Variants in MDGA2 observed in about 807,000 individuals in gnomAD.
MDGA2 encodes the protein MAM domain containing glycosylphosphatidylinositol anchor 2, also known as MAM domain-containing glycosylphosphatidylinositol anchor protein 2.
A neutral mutation model predicts 117.8 loss-of-function variants in MDGA2; 40 were observed. The observed-to-expected ratio is 0.34, with a 90% CI of 0.26 to 0.44. The LOEUF (loss-of-function observed/expected upper bound fraction) is 0.44. Among genes scored for constraint, MDGA2 ranks in the 20% least tolerant of loss-of-function variants. MDGA2 has a pLI of 1.00. For synonymous variants in MDGA2, 452 were observed against 439.0 expected, an observed-to-expected ratio of 1.03 and a Z score of -0.37; for missense variants, 1,123 against 1,250.6, an observed-to-expected ratio of 0.90 and a Z score of 1.54.
intron 9 of MDGA2, among the ~76,000 whole-genome samples, chr14:46,947,328 T>C (rs1029562606): frequency 6.6e-6 from 1 of 152,144 alleles, no homozygotes; most frequent in Admixed American, 6.6e-5. Flanking sequence ...TTATCTGCTT[T>C]ATCTCTATAA....
chr14:47,179,638 T>A (rs992585775), intron 3 of MDGA2, among the ~76,000 whole-genome samples: 1 of 152,190 alleles, frequency 6.6e-6, no homozygotes, highest in East Asian at 1.9e-4. Context: ...TTTAATTATA[T>A]ACACATCACA....
rs533250375 is a variant in MDGA2 at position 47,632,702 on chromosome 14, T to C, written c.280+41815A>G. ...ATGACCTTCTTAATTTTCCTTGAGT[T>C]TGTCATGCTCTTTCTGTCTTCTAAG... On this transcript the variant is annotated intron_variant, in intron 1 of 16. Transcript: ENST00000399232. Among the ~76,000 whole-genome samples the C allele has an allele frequency of 2.8e-4, 42 of 152,320 alleles. No individual in the cohort carries two copies. In the South Asian group the frequency reaches 7.7e-3, roughly 28 times the overall value.
intron 6 of MDGA2, among the ~76,000 whole-genome samples, chr14:47,088,774 T>C (rs1891002566): frequency 6.6e-6 from 1 of 152,180 alleles, no homozygotes; most frequent in Non-Finnish European, 1.5e-5. Flanking sequence ...ATATTTTGTA[T>C]CTTTGTCTTT....
In MDGA2 at chr14:47,657,837, CT is replaced by C. The variant is rs569206098; in HGVS notation, c.280+16679del. Among the ~76,000 whole-genome samples the C allele has an allele frequency of 2.4e-4, 36 of 152,268 alleles. No homozygotes were observed. In the South Asian group the frequency reaches 7.1e-3, roughly 30 times the overall value. On this transcript the variant is annotated intron_variant, in intron 1 of 16. Transcript: ENST00000399232. The stretch of plus-strand genomic sequence containing the variant: ...TTAATTCAGCAGCTTGGAGATGATA[CT>C]CTTAAAGTTGGACCCCACACTTGCA...
chr14:47,279,410 G>A (rs977316690), intron 2 of MDGA2, among the ~76,000 whole-genome samples: 4 of 152,154 alleles, frequency 2.6e-5, no homozygotes, highest in South Asian at 4.2e-4. Flanking sequence ...CTCTTGCACT[G>A]TACTTTTTCT....
At chr14:46,897,537 T>C (rs934556164) in intron 10 of MDGA2, among the ~76,000 whole-genome samples, 1 of 152,112 alleles carries the variant, frequency 6.6e-6, no homozygotes, top group African/African-American at 2.4e-5. Flanking sequence ...TTAAACAAAT[T>C]AGACGGAGTC....
chr14:47,573,318 T>C (rs1363196402), intron 1 of MDGA2, among the ~76,000 whole-genome samples: 2 of 152,122 alleles, frequency 1.3e-5, no homozygotes, highest in Admixed American at 6.5e-5. Context: ...GGTTAGAGAA[T>C]CCAGCATAAT....
rs1277744752 is a variant in MDGA2 at position 46,919,299 on chromosome 14, TGTG to T, written c.2238+710_2238+712del. Among the ~76,000 whole-genome samples, 3 of 152,318 alleles carry T rather than the reference TGTG, an allele frequency of 2.0e-5. No individual in the cohort carries two copies. In the East Asian group the frequency reaches 5.8e-4, roughly 29 times the overall value. On this transcript the variant is annotated intron_variant, in intron 10 of 16. Transcript: ENST00000399232. ...GTTTTGGGAGAGAGCTAAAAGATTA[TGTG>T]GTGATCAAATAAATCTTCAAAAATG...
In MDGA2 at chr14:47,132,536, G is replaced by T. The variant is rs543039433; in HGVS notation, c.793-690C>A. On this transcript the variant is annotated intron_variant, in intron 4 of 16. Transcript: ENST00000399232. ...ATGCAAATCAAGCAAGTGGCCAGAA[G>T]TATCTAACAAACTCTTGATGAACCA... 1.3e-4 allele frequency among the ~76,000 whole-genome samples: 20 copies of T among 151,848 alleles called. No homozygotes were observed. The South Asian group carries it at 4.2e-3, about 32-fold the overall frequency.
In MDGA2 at chr14:46,850,485, C is replaced by T. The variant is rs79429768; in HGVS notation, c.2883+4539G>A. Among the ~76,000 whole-genome samples, 711 of 151,916 alleles carry T rather than the reference C, an allele frequency of 4.7e-3. 7 individuals carry two copies. The highest frequency in any genetic ancestry group is 0.016 in the African/African-American group (656 of 41,524). On this transcript the variant is annotated intron_variant, in intron 15 of 16. Transcript: ENST00000399232. ...AAAGGCAAATCACTTCTAATCATTA[C>T]TGCTAAGGCAAATGCAAAACCCTAA...
At chr14:46,892,330 C>T (rs1420762492) in intron 10 of MDGA2, among the ~76,000 whole-genome samples, 1 of 151,622 alleles carries the variant, frequency 6.6e-6, no homozygotes, top group Admixed American at 6.6e-5. Flanking sequence ...GAAACTGGCT[C>T]GTATCTTACA....
chr14:47,148,674 T>C (rs994456603), intron 3 of MDGA2, among the ~76,000 whole-genome samples: 1 of 152,204 alleles, frequency 6.6e-6, no homozygotes, highest in African/African-American at 2.4e-5. Context: ...AGGTTTTTTA[T>C]AGAAAGAAAT....
At chr14:46,958,315 A>T (rs1394591214) in intron 8 of MDGA2, among the ~76,000 whole-genome samples, 3 of 152,152 alleles carry the variant, frequency 2.0e-5, no homozygotes, top group Admixed American at 2.0e-4. Flanking sequence ...GTTCAGAGAA[A>T]TGCAGATGGA....
At chr14:47,660,499 G>C (rs1377521911) in intron 1 of MDGA2, among the ~76,000 whole-genome samples, 12 of 152,198 alleles carry the variant, frequency 7.9e-5, no homozygotes, top group Non-Finnish European at 7.3e-5. Context: ...TTTGAGGTCT[G>C]AGGAACTCAC....
At chr14:47,138,786 T>C (rs958675007) in intron 4 of MDGA2, among the ~76,000 whole-genome samples, 1 of 152,140 alleles carries the variant, frequency 6.6e-6, no homozygotes, top group Non-Finnish European at 1.5e-5. Flanking sequence ...ACTAATTTAT[T>C]ACAAATTTAT....
chr14:47,442,785 G>A (rs1893040005), intron 1 of MDGA2, among the ~76,000 whole-genome samples: 1 of 152,058 alleles, frequency 6.6e-6, no homozygotes, highest in African/African-American at 2.4e-5. Context: ...TTTACTCTTG[G>A]TCAACTGTGG....
At chr14:47,353,843 C>G (rs998462326) in intron 1 of MDGA2, among the ~76,000 whole-genome samples, 4 of 152,044 alleles carry the variant, frequency 2.6e-5, no homozygotes, top group African/African-American at 7.2e-5. Flanking sequence ...CAGAAAAATA[C>G]GCTACATGAA....
At chr14:47,191,990 T>C (rs1375557669) in intron 3 of MDGA2, among the ~76,000 whole-genome samples, 1 of 152,136 alleles carries the variant, frequency 6.6e-6, no homozygotes, top group African/African-American at 2.4e-5. Context: ...TTAGTGAGCA[T>C]ACTGGAGAAA....
chr14:47,345,177 A>G (rs545507113), intron 1 of MDGA2, among the ~76,000 whole-genome samples: 1 of 152,202 alleles, frequency 6.6e-6, no homozygotes, highest in African/African-American at 2.4e-5. Context: ...GACTTGGCAA[A>G]CTCAGATGCC....
Sources: allele counts gnomAD v4.1 joint callset (sites outside exome capture counted in the v4.1 genomes callset), GRCh38; gene constraint gnomAD v4.1.1; transcripts MANE v1.5; gene names NCBI Gene and HGNC (gene_info 2026-07-23, HGNC 2026-07-21).